The following EYS variants were observed in gnomAD, a reference collection of about 807,000 sequenced individuals.
EYS encodes EGF-like photoreceptor maintenance factor.
A neutral mutation model predicts 282.1 loss-of-function variants in EYS; 250 were observed. The observed-to-expected ratio is 0.89, with a 90% CI of 0.80 to 0.98. The LOEUF (loss-of-function observed/expected upper bound fraction) is 0.98, where lower values mean the gene tolerates loss of function less well. EYS is among the 50% of genes least tolerant of loss of function. The pLI, the probability that EYS is intolerant of heterozygous loss-of-function variation, is 0.00. For missense variants in EYS, 4,016 were observed against 3,709.0 expected (o/e 1.08, Z -2.15); for synonymous variants, 1,355 against 1,282.9 (o/e 1.06, Z -1.20).
intron 29 of EYS, among the ~76,000 whole-genome samples, chr6:64,328,697 T>C (rs1770522687): frequency 6.6e-6 from 1 of 152,052 alleles, no homozygotes; most frequent in South Asian, 2.1e-4. Context: ...TATTTGTAAA[T>C]TGGGATGAGG....
intron 13 of EYS, among the ~76,000 whole-genome samples, chr6:65,022,271 T>G (rs1051432691): frequency 6.6e-6 from 1 of 152,200 alleles, no homozygotes; most frequent in Non-Finnish European, 1.5e-5. Flanking sequence ...GACTAGATGC[T>G]TCCTCCATTT....
chr6:65,413,636 G>A (rs1461379154), intron 5 of EYS, among the ~76,000 whole-genome samples: 5 of 152,050 alleles, frequency 3.3e-5, no homozygotes, highest in Middle Eastern at 3.4e-3. Context: ...GAGGCGCACC[G>A]ATCATGAGGT....
intron 1 of EYS, among the ~76,000 whole-genome samples, chr6:65,676,889 A>G (rs1460227920): frequency 6.6e-6 from 1 of 151,736 alleles, no homozygotes; most frequent in Non-Finnish European, 1.5e-5. Flanking sequence ...GGATGAAGGG[A>G]CTGTTCAACA....
chr6:63,964,673 T>C (rs1238354723), intron 35 of EYS, among the ~76,000 whole-genome samples: 1 of 152,196 alleles, frequency 6.6e-6, no homozygotes, highest in Non-Finnish European at 1.5e-5. Context: ...TGAAGCAGCA[T>C]AAGTCACAGT....
intron 22 of EYS, among the ~76,000 whole-genome samples, chr6:64,766,395 A>G (rs1403618958): frequency 6.7e-6 from 1 of 150,040 alleles, no homozygotes; most frequent in African/African-American, 2.4e-5. Flanking sequence ...GCACTTTGGG[A>G]GACTGAGGTG....
At position 64,963,257 on chromosome 6, in the gene EYS, T is replaced by C. The variant is rs73454660; in HGVS notation, c.2260-17343A>G. ...AATAGCAAAATATTAATTTACAAAT[T>C]GGATTTCATTAGCGAAATTATTATT... On this transcript the variant is annotated intron_variant, in intron 14 of 42. Transcript: ENST00000503581. Among the ~76,000 whole-genome samples, 1,458 of 152,278 alleles carry C rather than the reference T, an allele frequency of 9.6e-3. 17 individuals are homozygous for C. The highest frequency in any genetic ancestry group is 0.033 in the African/African-American group (1,374 of 41,560).
At chr6:65,262,151 A>C (rs556666744) in intron 12 of EYS, among the ~76,000 whole-genome samples, 1 of 152,202 alleles carries the variant, frequency 6.6e-6, no homozygotes, top group Non-Finnish European at 1.5e-5. Flanking sequence ...CCTTCTGTTA[A>C]TTCTGAGAAC....
intron 35 of EYS, among the ~76,000 whole-genome samples, chr6:63,894,092 A>G (rs729451): frequency 0.3 from 45,828 of 152,096 alleles, 7,126 homozygotes; most frequent in Admixed American, 0.37. Context: ...GGGGTGTAAT[A>G]TTCTGAGTTT....
chr6:64,840,536 G>A (rs1002203968), intron 19 of EYS, among the ~76,000 whole-genome samples: 11 of 152,042 alleles, frequency 7.2e-5, no homozygotes, highest in Non-Finnish European at 1.5e-5. Flanking sequence ...CAAATTCCAA[G>A]GGAAAGATGG....
chr6:64,763,004 C>T (rs1198992967), intron 22 of EYS, among the ~76,000 whole-genome samples: 1 of 152,120 alleles, frequency 6.6e-6, no homozygotes, highest in Non-Finnish European at 1.5e-5. Flanking sequence ...TGCTGTAAAA[C>T]CAAACTTTCT....
intron 31 of EYS, 65 bp from the exon 32 acceptor site, chr6:64,082,067 CTT>C (rs1771993201): frequency 8.9e-7 from 1 of 1,125,836 alleles, no homozygotes; most frequent in Non-Finnish European, 1.2e-6. Flanking sequence ...TAGATAAAAA[CTT>C]AGCATTTATA....
intron 1 of EYS, among the ~76,000 whole-genome samples, chr6:65,705,963 T>G (rs904026204): frequency 1.3e-5 from 2 of 151,916 alleles, no homozygotes; most frequent in Non-Finnish European, 2.9e-5. Context: ...TGAATCATTA[T>G]TACCTAAATA....
chr6:64,088,592 T>G (rs142596868), intron 31 of EYS, among the ~76,000 whole-genome samples: 1,662 of 152,126 alleles, frequency 0.011, 25 homozygotes, highest in African/African-American at 0.038. Flanking sequence ...AAGCACAGTA[T>G]TGAGTTTGAA....
chr6:65,452,751 T>C (rs1427327562), intron 5 of EYS, among the ~76,000 whole-genome samples: 1 of 152,010 alleles, frequency 6.6e-6, no homozygotes, highest in African/African-American at 2.4e-5. Context: ...TCCAAGATAT[T>C]GGTCTTCTTA....
intron 35 of EYS, among the ~76,000 whole-genome samples, chr6:63,935,866 A>G (rs1178185529): frequency 6.6e-6 from 1 of 152,190 alleles, no homozygotes; most frequent in Non-Finnish European, 1.5e-5. Context: ...TTTACAGATA[A>G]AGAAATGGAA....
At chr6:64,439,008 TAGAA>T (rs1449997112) in intron 27 of EYS, among the ~76,000 whole-genome samples, 150 bp downstream of exon 27, 1 of 151,664 alleles carries the variant, frequency 6.6e-6, no homozygotes, top group African/African-American at 2.4e-5. Context: ...CATATATACA[TAGAA>T]AGAAATTATA....
At chr6:63,897,785 T>G (rs1773569689) in intron 35 of EYS, among the ~76,000 whole-genome samples, 1 of 152,126 alleles carries the variant, frequency 6.6e-6, no homozygotes, top group African/African-American at 2.4e-5. Context: ...TTTGAAAACT[T>G]TGGAGTAGAG....
chr6:64,499,243 C>T (rs1464348692), intron 26 of EYS, among the ~76,000 whole-genome samples: 2 of 152,132 alleles, frequency 1.3e-5, no homozygotes, highest in Non-Finnish European at 2.9e-5. Context: ...ATATGTATAG[C>T]TAACTTTATT....
chr6:65,242,249 T>A (rs1213503507), intron 12 of EYS, among the ~76,000 whole-genome samples: 2 of 152,096 alleles, frequency 1.3e-5, no homozygotes, highest in African/African-American at 4.8e-5. Flanking sequence ...TTAGAATTTT[T>A]TTTTTAACCA....
Sources: allele counts gnomAD v4.1 joint callset (sites outside exome capture counted in the v4.1 genomes callset), GRCh38; gene constraint gnomAD v4.1.1; transcripts MANE v1.5; gene names NCBI Gene and HGNC (gene_info 2026-07-23, HGNC 2026-07-21).